ESR1: variants seen among roughly 807,000 people sequenced by gnomAD.
ESR1 encodes estrogen receptor 1.
ESR1 carries 12 observed loss-of-function variants against 52.7 expected under a neutral mutation model. The ratio of observed to expected loss-of-function variants is 0.23; its 90% CI spans 0.15 to 0.37. ESR1 has a LOEUF of 0.37. Ranked by LOEUF, ESR1 falls within the 10% of genes least tolerant of loss-of-function variation. The pLI is 1.00. For missense variants in ESR1, 584 were observed against 779.7 expected, an observed-to-expected ratio of 0.75 and a Z score of 2.99; for synonymous variants, 305 against 316.8, an observed-to-expected ratio of 0.96 and a Z score of 0.39.
chr6:151,919,872 A>G (rs1403443334), intron 3 of ESR1, among the ~76,000 whole-genome samples: 1 of 152,210 alleles, frequency 6.6e-6, no homozygotes, highest in Non-Finnish European at 1.5e-5. Flanking sequence ...AGAATGTTCT[A>G]GAAACACACA....
At chr6:151,861,844 A>AT (rs1395680515) in intron 2 of ESR1, among the ~76,000 whole-genome samples, 2 of 152,006 alleles carry the variant, frequency 1.3e-5, no homozygotes, top group East Asian at 3.9e-4. Flanking sequence ...ACTGGAGTGG[A>AT]TTTTTTGCGT....
upstream of ESR1, among the ~76,000 whole-genome samples, chr6:151,688,234 T>G (rs1362438585): frequency 6.6e-6 from 1 of 152,214 alleles, no homozygotes; most frequent in Non-Finnish European, 1.5e-5. Context: ...TGGAACTGTT[T>G]TTACCCATTC....
intron 6 of ESR1, chr6:152,113,085 C>T (rs1365808083): frequency 6.6e-6 from 1 of 152,482 alleles, no homozygotes; most frequent in Non-Finnish European, 1.5e-5. Flanking sequence ...GGGGCGCTGC[C>T]TGTCCCACCC....
At chr6:152,055,715 CACACTA>C in intron 5 of ESR1, among the ~76,000 whole-genome samples, 1 of 152,304 alleles carries the variant, frequency 6.6e-6, no homozygotes, top group African/African-American at 2.4e-5. Context: ...GTGTCCACTA[CACACTA>C]TCGGTCTCAT....
chr6:151,692,165 T>C (rs1266638561), intron 1 of ESR1, among the ~76,000 whole-genome samples: 2 of 152,240 alleles, frequency 1.3e-5, no homozygotes, highest in African/African-American at 2.4e-5. Flanking sequence ...AAGAACAAAG[T>C]CCAACTATCT....
intron 3 of ESR1, 89 bp from the exon 4 acceptor site, chr6:151,944,084 A>G: frequency 9.1e-7 from 1 of 1,102,062 alleles, no homozygotes; most frequent in African/African-American, 1.6e-5. Context: ...TTCAAATAAA[A>G]TGAAAGCTGG....
chr6:151,796,951 G>A (rs958172168), intron 2 of ESR1, among the ~76,000 whole-genome samples: 2 of 152,184 alleles, frequency 1.3e-5, no homozygotes, highest in African/African-American at 2.4e-5. Context: ...CAACCTATAC[G>A]TTGGGGTGAT....
chr6:151,955,161 T>G (rs960359128), intron 4 of ESR1, among the ~76,000 whole-genome samples: 8 of 152,106 alleles, frequency 5.3e-5, no homozygotes, highest in Admixed American at 5.2e-4. Context: ...ATCTTTAGCA[T>G]GACAGTGATT....
chr6:151,766,768 A>T (rs1001705546), intron 2 of ESR1, among the ~76,000 whole-genome samples: 14 of 152,198 alleles, frequency 9.2e-5, no homozygotes, highest in Non-Finnish European at 1.0e-4. Context: ...GACTGGGGAG[A>T]AAAATAGCTA....
At chr6:151,967,358 C>T (rs535439727) in intron 4 of ESR1, among the ~76,000 whole-genome samples, 1 of 152,202 alleles carries the variant, frequency 6.6e-6, no homozygotes, top group African/African-American at 2.4e-5. Context: ...TGACAGGTCC[C>T]AGTGTGTGAT....
intron 4 of ESR1, among the ~76,000 whole-genome samples, chr6:152,003,040 C>A (rs772720295): frequency 8.6e-5 from 13 of 151,956 alleles, no homozygotes; most frequent in Non-Finnish European, 1.6e-4. Context: ...AATCCATCAG[C>A]TTCTTCAGAA....
intron 4 of ESR1, among the ~76,000 whole-genome samples, chr6:151,986,247 A>G (rs2040477046): frequency 6.6e-6 from 1 of 152,182 alleles, no homozygotes; most frequent in South Asian, 2.1e-4. Context: ...ATCAAATTCA[A>G]GAGGTAATAT....
chr6:151,934,525 C>T (rs897682978), intron 3 of ESR1, among the ~76,000 whole-genome samples: 1 of 152,072 alleles, frequency 6.6e-6, no homozygotes, highest in African/African-American at 2.4e-5. Context: ...TCTTCCATTC[C>T]TTGGGGGCTC....
chr6:151,715,577 C>T (rs926067610), intron 2 of ESR1, among the ~76,000 whole-genome samples: 29 of 152,092 alleles, frequency 1.9e-4, no homozygotes, highest in Non-Finnish European at 3.4e-4. Context: ...TGCTTTATTT[C>T]AAGTTGATCT....
intron 1 of ESR1, among the ~76,000 whole-genome samples, chr6:151,696,813 G>A (rs1044563349): frequency 1.3e-5 from 2 of 152,212 alleles, no homozygotes; most frequent in African/African-American, 4.8e-5. Context: ...CCACGGTGAG[G>A]AAGTGTAAAC....
At chr6:152,048,999 C>T (rs1321239554) in intron 5 of ESR1, among the ~76,000 whole-genome samples, 4 of 152,174 alleles carry the variant, frequency 2.6e-5, no homozygotes, top group Admixed American at 2.6e-4. Flanking sequence ...GTATTCTTCC[C>T]TGTGGTACAT....
At chr6:151,744,578 T>C (rs995710850) in intron 2 of ESR1, among the ~76,000 whole-genome samples, 3 of 152,248 alleles carry the variant, frequency 2.0e-5, no homozygotes, top group Non-Finnish European at 4.4e-5. Context: ...AATTTTATTG[T>C]TGAGTTGTAA....
At chr6:151,758,260 T>C (rs1269812541) in intron 2 of ESR1, among the ~76,000 whole-genome samples, 5 of 152,238 alleles carry the variant, frequency 3.3e-5, no homozygotes, top group Non-Finnish European at 7.3e-5. Context: ...TCTGGGGACA[T>C]CCTGTCATAA....
chr6:152,101,406 TGTAATACCAGCTAAAGCCA>T lies in ESR1; in HGVS notation c.*2441_*2459del, dbSNP rs2050961222. On this transcript the variant is annotated 3_prime_UTR_variant, in exon 8 of 8. Coordinates refer to ENST00000206249, the MANE Select transcript of ESR1 (RefSeq NM_000125.4). The stretch of plus-strand genomic sequence containing the variant: ...AAAAAAAATTTCTAGGACTAGACGA[TGTAATACCAGCTAAAGCCA>T]AACAATTATACAGTGGAAGGTTTTA... The T allele has an allele frequency of 4.3e-6, 1 of 232,984 alleles. No individual in the cohort carries two copies. The highest frequency in any genetic ancestry group is 2.2e-5 in the African/African-American group (1 of 45,328). 14.4% of individuals were successfully genotyped at this position (232,984 alleles called of 1,614,324 possible).
Sources: allele counts gnomAD v4.1 joint callset (sites outside exome capture counted in the v4.1 genomes callset), GRCh38; gene constraint gnomAD v4.1.1; transcripts MANE v1.5; gene names NCBI Gene and HGNC (gene_info 2026-07-23, HGNC 2026-07-21).